Variants in DCDC1 observed in about 807,000 individuals in gnomAD.
DCDC1 encodes doublecortin domain containing 1.
A neutral mutation model predicts 178.3 loss-of-function variants in DCDC1; 200 were observed. The ratio of observed to expected loss-of-function variants is 1.12; its 90% CI spans 1.00 to 1.26. The LOEUF (loss-of-function observed/expected upper bound fraction) is 1.26. DCDC1 is among the 50% of genes most tolerant of loss of function. The pLI, the probability that DCDC1 is intolerant of heterozygous loss-of-function variation, is 0.00. For synonymous variants in DCDC1, 690 were observed against 604.8 expected, an observed-to-expected ratio of 1.14 and a Z score of -2.07; for missense variants, 1,983 against 1,749.2, an observed-to-expected ratio of 1.13 and a Z score of -2.38.
At chr11:31,114,798 T>C (rs898108021) in intron 11 of DCDC1, among the ~76,000 whole-genome samples, 2 of 152,140 alleles carry the variant, frequency 1.3e-5, no homozygotes, top group African/African-American at 4.8e-5. Context: ...TCTGACTTAT[T>C]AACACATTTT....
intron 9 of DCDC1, among the ~76,000 whole-genome samples, chr11:31,202,102 T>G (rs1971354268): frequency 6.6e-6 from 1 of 152,150 alleles, no homozygotes; most frequent in Admixed American, 6.5e-5. Context: ...ACCTCAAAAG[T>G]GGTTTGAATC....
At chr11:31,364,369 C>G (rs1247396554) in intron 1 of DCDC1, among the ~76,000 whole-genome samples, 1 of 151,884 alleles carries the variant, frequency 6.6e-6, no homozygotes, top group East Asian at 1.9e-4. Flanking sequence ...AAAGGGCAAA[C>G]AAGTGAATGG....
At chr11:30,974,429 C>G (rs1306763657) in intron 20 of DCDC1, among the ~76,000 whole-genome samples, 1 of 151,498 alleles carries the variant, frequency 6.6e-6, no homozygotes, top group African/African-American at 2.4e-5. Flanking sequence ...GAAGGATCGA[C>G]AAAAAGTTGG....
chr11:30,974,980 A>C (rs1312764593), intron 20 of DCDC1, among the ~76,000 whole-genome samples: 1 of 152,156 alleles, frequency 6.6e-6, no homozygotes. Context: ...TCAACAAAAT[A>C]CTAGCAAACT....
At chr11:31,106,683 G>A (rs1324124314) in intron 13 of DCDC1, 114 bp downstream of exon 13, 1 of 692,926 alleles carries the variant, frequency 1.4e-6, no homozygotes, top group African/African-American at 1.8e-5. Flanking sequence ...AATTTTATTG[G>A]AATTCAAAAT....
At chr11:31,296,532 A>C (rs1345364159) in intron 6 of DCDC1, among the ~76,000 whole-genome samples, 1 of 152,110 alleles carries the variant, frequency 6.6e-6, no homozygotes, top group Non-Finnish European at 1.5e-5. Flanking sequence ...CCCATTACCT[A>C]GTTCCAAAGT....
chr11:30,907,549 C>T (rs1945150403), intron 29 of DCDC1, among the ~76,000 whole-genome samples: 1 of 152,276 alleles, frequency 6.6e-6, no homozygotes, highest in South Asian at 2.1e-4. Flanking sequence ...AGCTTATTCT[C>T]TTTTAGCTGC....
intron 9 of DCDC1, among the ~76,000 whole-genome samples, chr11:31,177,665 G>A (rs1271750312): frequency 6.6e-6 from 1 of 152,084 alleles, no homozygotes; most frequent in Admixed American, 6.5e-5. Context: ...TAGACTGAAA[G>A]TGGAGGGATG....
intron 8 of DCDC1, among the ~76,000 whole-genome samples, chr11:31,246,422 C>T (rs1339522022): frequency 6.6e-6 from 1 of 151,594 alleles, no homozygotes; most frequent in Non-Finnish European, 1.5e-5. Context: ...TAGAAATACA[C>T]CAAGACATTT....
Position 31,128,857 on chromosome 11 carries a change from A to T in DCDC1, c.1315-1218T>A, listed in dbSNP as rs180826020. Among the ~76,000 whole-genome samples, 323 of 152,312 alleles carry T rather than the reference A, an allele frequency of 2.1e-3. 5 individuals carry two copies. Among genetic ancestry groups the T allele is most frequent in the Admixed American group, 0.02 (303 of 15,294 alleles). On this transcript the variant is annotated intron_variant, in intron 10 of 38. Transcript: ENST00000684477. ...TTTTTGAAATCTAGGTGTTTTCTGC[A>T]TAACAAGTTTTAATTTTTTATTTCT...
chr11:31,257,472 T>C (rs1407281223), intron 8 of DCDC1, among the ~76,000 whole-genome samples: 1 of 152,018 alleles, frequency 6.6e-6, no homozygotes, highest in African/African-American at 2.4e-5. Flanking sequence ...ACAGAAACTA[T>C]TTGAAGAAAG....
At chr11:30,900,899 G>A (rs1043817631) in intron 32 of DCDC1, among the ~76,000 whole-genome samples, 1 of 152,040 alleles carries the variant, frequency 6.6e-6, no homozygotes, top group Admixed American at 6.6e-5. Context: ...ATCTCATTCT[G>A]CTGTTTCTTT....
intron 9 of DCDC1, among the ~76,000 whole-genome samples, chr11:31,144,315 T>A (rs208105): frequency 0.18 from 27,917 of 151,784 alleles, 3,497 homozygotes; most frequent in East Asian, 0.63. Context: ...TTTTTTTTTT[T>A]AATTTTTTGT....
chr11:31,333,409 G>C (rs1293446992), intron 2 of DCDC1, among the ~76,000 whole-genome samples: 1 of 152,168 alleles, frequency 6.6e-6, no homozygotes, highest in African/African-American at 2.4e-5. Flanking sequence ...GTGTGAATTT[G>C]ATCCTGTCAT....
chr11:31,291,059 T>C (rs1422088881), intron 6 of DCDC1, among the ~76,000 whole-genome samples: 1 of 152,032 alleles, frequency 6.6e-6, no homozygotes, highest in Non-Finnish European at 1.5e-5. Context: ...GCATAAATCA[T>C]CATTTCTGAA....
At chr11:30,894,834 C>T (rs1944076067) in intron 34 of DCDC1, among the ~76,000 whole-genome samples, 1 of 152,094 alleles carries the variant, frequency 6.6e-6, no homozygotes, top group African/African-American at 2.4e-5. Context: ...AATATTAACC[C>T]AAGAGACAGG....
chr11:31,119,275 A>G (rs549476717), intron 11 of DCDC1, among the ~76,000 whole-genome samples: 2 of 152,328 alleles, frequency 1.3e-5, no homozygotes, highest in African/African-American at 4.8e-5. Flanking sequence ...CCTTTAGTGA[A>G]TGTTCTCAAA....
In DCDC1 at chr11:31,094,252, C is replaced by A. The variant is rs536005957; in HGVS notation, c.1984-68G>T. 103 of 733,172 alleles carry A rather than the reference C, an allele frequency of 1.4e-4. 1 individual carries two copies. In the South Asian group the frequency reaches 1.4e-3, roughly 10 times the overall value. The allele number at this position is 733,172 out of a possible 1,614,324, so 45.4% of individuals were successfully genotyped here. ...AGAGTTAAACTCCTCAACACACTTACCCAAAATAAGTTATCCTAGAACATT... is the reference window on the plus strand; with the variant it reads ...AGAGTTAAACTCCTCAACACACTTAACCAAAATAAGTTATCCTAGAACATT... On this transcript the variant is annotated intron_variant, in intron 15 of 38. Coordinates refer to ENST00000684477, the MANE Select transcript of DCDC1 (RefSeq NM_001387274.1).
intron 20 of DCDC1, among the ~76,000 whole-genome samples, chr11:31,059,582 T>G (rs1241855280): frequency 6.6e-6 from 1 of 152,050 alleles, no homozygotes; most frequent in African/African-American, 2.4e-5. Flanking sequence ...CAAAAGCAAT[T>G]ATTATATTAA....
Sources: allele counts gnomAD v4.1 joint callset (sites outside exome capture counted in the v4.1 genomes callset), GRCh38; gene constraint gnomAD v4.1.1; transcripts MANE v1.5; gene names NCBI Gene and HGNC (gene_info 2026-07-23, HGNC 2026-07-21).